GALNT13: variants seen among roughly 807,000 people sequenced by gnomAD.
The protein encoded by GALNT13 is polypeptide N-acetylgalactosaminyltransferase 13, also known as UDP-GalNAc:polypeptide N-acetylgalactosaminyltransferase 13.
GALNT13 carries 28 observed loss-of-function variants against 64.2 expected under a neutral mutation model. That is an observed-to-expected ratio of 0.44 (90% CI 0.32 to 0.60). GALNT13 has a LOEUF of 0.60. Ranked by LOEUF, GALNT13 falls within the 20% of genes least tolerant of loss-of-function variation. The pLI is 0.05. For synonymous variants in GALNT13, 214 were observed against 224.6 expected, an observed-to-expected ratio of 0.95 and a Z score of 0.42; for missense variants, 577 against 669.8, an observed-to-expected ratio of 0.86 and a Z score of 1.53.
chr2:153,850,722 C>A, the GALNT13 span, among the ~76,000 whole-genome samples: 2 of 152,094 alleles, frequency 1.3e-5, no homozygotes, highest in African/African-American at 4.8e-5. Flanking sequence ...AATAGACACC[C>A]CATCTAGAGA....
intron 4 of GALNT13, among the ~76,000 whole-genome samples, chr2:154,186,593 A>G (rs906631549): frequency 6.7e-4 from 102 of 152,204 alleles, no homozygotes; most frequent in African/African-American, 2.3e-3. Flanking sequence ...ACAAAGGCAA[A>G]TATCTTAGTT....
At chr2:153,154,396 C>T in the GALNT13 span, among the ~76,000 whole-genome samples, 1 of 152,128 alleles carries the variant, frequency 6.6e-6, no homozygotes, top group Non-Finnish European at 1.5e-5. Context: ...CATTAAGTCT[C>T]TTTTTCTTTA....
At chr2:153,998,037 C>T (rs973374022) in intron 3 of GALNT13, among the ~76,000 whole-genome samples, 1 of 152,126 alleles carries the variant, frequency 6.6e-6, no homozygotes, top group Non-Finnish European at 1.5e-5. Flanking sequence ...TTTATCAGGT[C>T]TATCATTGAT....
chr2:154,129,334 C>A (rs1682481594), intron 3 of GALNT13, among the ~76,000 whole-genome samples: 1 of 152,160 alleles, frequency 6.6e-6, no homozygotes, highest in Non-Finnish European at 1.5e-5. Context: ...CCTATTTTGG[C>A]CCTCAGAAAT....
the GALNT13 span, among the ~76,000 whole-genome samples, chr2:153,534,489 T>C: frequency 6.6e-6 from 1 of 150,764 alleles, no homozygotes; most frequent in Non-Finnish European, 1.5e-5. Context: ...TAGGTTCTGA[T>C]AAAATGCTAG....
the GALNT13 span, among the ~76,000 whole-genome samples, chr2:153,097,773 A>G: frequency 3.3e-5 from 5 of 152,174 alleles, no homozygotes; most frequent in African/African-American, 1.2e-4. Flanking sequence ...CAGGCATTAC[A>G]TAACATACAG....
the GALNT13 span, among the ~76,000 whole-genome samples, chr2:153,759,109 TA>T: frequency 4.6e-5 from 7 of 152,200 alleles, no homozygotes; most frequent in African/African-American, 1.7e-4. Context: ...TGTTCATTGT[TA>T]GTGCATAGAA....
At chr2:153,407,282 A>C in the GALNT13 span, among the ~76,000 whole-genome samples, 1 of 152,192 alleles carries the variant, frequency 6.6e-6, no homozygotes, top group Non-Finnish European at 1.5e-5. Flanking sequence ...GATGATGCTT[A>C]AGTCTAATAA....
At chr2:154,230,712 C>A (rs759776311) in intron 4 of GALNT13, among the ~76,000 whole-genome samples, 3 of 151,944 alleles carry the variant, frequency 2.0e-5, no homozygotes, top group Non-Finnish European at 4.4e-5. Context: ...GCCTAGTGTA[C>A]CCTCTCTGTT....
At chr2:153,947,278 A>T (rs889945431) in intron 3 of GALNT13, among the ~76,000 whole-genome samples, 1 of 151,998 alleles carries the variant, frequency 6.6e-6, no homozygotes, top group African/African-American at 2.4e-5. Context: ...CATGGAGCTT[A>T]AAGTCAAATA....
At chr2:153,827,960 G>A in the GALNT13 span, among the ~76,000 whole-genome samples, 62 of 152,328 alleles carry the variant, frequency 4.1e-4, no homozygotes, top group Middle Eastern at 0.01. Context: ...CAGGCCCCAC[G>A]CAAGTCTGAA....
chr2:154,002,954 C>T (rs938137213), intron 3 of GALNT13, among the ~76,000 whole-genome samples: 1 of 152,160 alleles, frequency 6.6e-6, no homozygotes, highest in Non-Finnish European at 1.5e-5. Context: ...CTGAAGAAAA[C>T]TTAAGCACAC....
intron 11 of GALNT13, among the ~76,000 whole-genome samples, chr2:154,429,409 A>C (rs1236382725): frequency 6.6e-6 from 1 of 152,210 alleles, no homozygotes; most frequent in Non-Finnish European, 1.5e-5. Flanking sequence ...GTTTGAATAG[A>C]AGATCAAACA....
chr2:153,193,261 A>C, the GALNT13 span, among the ~76,000 whole-genome samples: 2 of 151,916 alleles, frequency 1.3e-5, no homozygotes, highest in African/African-American at 4.8e-5. Context: ...ATGGAATACT[A>C]TGCAGCCATA....
At chr2:154,377,575 A>T (rs1195785263) in intron 9 of GALNT13, among the ~76,000 whole-genome samples, 2 of 152,172 alleles carry the variant, frequency 1.3e-5, no homozygotes, top group Non-Finnish European at 2.9e-5. Context: ...TTCAAATGAG[A>T]CTTCGCTAAA....
intron 1 of GALNT13, among the ~76,000 whole-genome samples, chr2:153,880,564 C>G (rs1686712977): frequency 6.6e-6 from 1 of 152,082 alleles, no homozygotes; most frequent in African/African-American, 2.4e-5. Context: ...ATTCTACTTT[C>G]AAGACTCACT....
At chr2:153,805,756 G>A in the GALNT13 span, among the ~76,000 whole-genome samples, 3 of 152,004 alleles carry the variant, frequency 2.0e-5, no homozygotes, top group Non-Finnish European at 4.4e-5. Context: ...TATGTAATGT[G>A]TGAAAAATTA....
chr2:153,135,012 G>A, the GALNT13 span, among the ~76,000 whole-genome samples: 2 of 152,110 alleles, frequency 1.3e-5, no homozygotes, highest in Non-Finnish European at 1.5e-5. Context: ...AACCCAGGCT[G>A]TAACAAAATA....
At chr2:153,190,662 T>C in the GALNT13 span, among the ~76,000 whole-genome samples, 1 of 152,038 alleles carries the variant, frequency 6.6e-6, no homozygotes, top group Admixed American at 6.6e-5. Flanking sequence ...TATAGGTTGA[T>C]TTGAGTTATA....
Sources: gnomAD v4.1 joint callset for allele counts (sites outside exome capture counted in the v4.1 genomes callset) on GRCh38, gnomAD v4.1.1 for gene constraint, MANE v1.5 for transcripts, NCBI Gene and HGNC (gene_info 2026-07-23, HGNC 2026-07-21) for gene names.